The following TRPC4AP variants were observed in gnomAD, a reference collection of about 807,000 sequenced individuals.
The protein encoded by TRPC4AP is transient receptor potential cation channel subfamily C member 4 associated protein.
A neutral mutation model predicts 99.0 loss-of-function variants in TRPC4AP; 45 were observed. The observed-to-expected ratio is 0.45, with a 90% CI of 0.36 to 0.58. TRPC4AP has a LOEUF of 0.58. Ranked by LOEUF, TRPC4AP falls within the 20% of genes least tolerant of loss-of-function variation. The probability of loss-of-function intolerance (pLI) is 0.00; values close to 1 mark genes in which losing one functional copy is unlikely to be tolerated. For synonymous variants in TRPC4AP, 408 were observed against 385.8 expected (o/e 1.06, Z -0.67); for missense variants, 879 against 985.3 (o/e 0.89, Z 1.44).
At chr20:35,088,182 G>A (rs1907847425) in intron 1 of TRPC4AP, among the ~76,000 whole-genome samples, 1 of 152,200 alleles carries the variant, frequency 6.6e-6, no homozygotes, top group Non-Finnish European at 1.5e-5. Context: ...ACTATTTTAA[G>A]TGCTTTATAT....
chr20:35,022,616 G>A (rs2147300346), intron 8 of TRPC4AP, among the ~76,000 whole-genome samples: 1 of 152,174 alleles, frequency 6.6e-6, no homozygotes, highest in East Asian at 1.9e-4. Flanking sequence ...TTCCCTAGAG[G>A]CCTTTTGCAA....
In TRPC4AP at chr20:35,050,712, C is replaced by CAAA. The variant is rs77989763; in HGVS notation, c.529-721_529-719dup. Among the ~76,000 whole-genome samples, 295 of 139,466 alleles carry CAAA rather than the reference C, an allele frequency of 2.1e-3. 2 individuals carry two copies. Among genetic ancestry groups the CAAA allele is most frequent in the East Asian group, 8.2e-3 (40 of 4,892 alleles). The allele number at this position is 139,466 out of a possible 152,430, so 91.5% of individuals were successfully genotyped here. ...TTGGCAACAGAGGGAGACCCTAACT[C>CAAA]AAAAAAAAAAACAAAACAAAAAAAC... On this transcript the variant is annotated intron_variant, in intron 5 of 18. Transcript: ENST00000252015.
rs867906798 is a variant in TRPC4AP at position 35,021,309 on chromosome 20, G to A, written c.1099C>T (p.Pro367Ser). 2 of 1,614,020 alleles carry A rather than the reference G, an allele frequency of 1.2e-6. No homozygotes were observed. The highest frequency in any genetic ancestry group is 1.3e-5 in the African/African-American group (1 of 74,912). ...AGCTGGGTTCTGGCTGACGTGTGAG[G>A]CAGGCCATTCTCCTCAGAAGCCCCT... ...PPGASEENGLPHTSARTQLPQ... is the reference protein window; with the variant it reads ...PPGASEENGLSHTSARTQLPQ... Residue 367 changes from proline (P) to serine (S), a missense_variant, in exon 9 of 19, where the codon CCT (proline) becomes TCT (serine). Transcript: ENST00000252015.
intron 5 of TRPC4AP, among the ~76,000 whole-genome samples, chr20:35,053,684 T>C (rs767009757): frequency 2.6e-5 from 4 of 152,146 alleles, no homozygotes; most frequent in Non-Finnish European, 4.4e-5. Flanking sequence ...CACACACACA[T>C]TGGATTTTGA....
rs924703070 is a variant in TRPC4AP, at chr20:35,003,409, C to T, written c.2256+1G>A. 2.5e-6 allele frequency: 4 copies of T among 1,614,012 alleles called. No homozygotes were observed. Among genetic ancestry groups the T allele is most frequent in the Non-Finnish European group, 3.4e-6 (4 of 1,180,004 alleles). ...CACCCCCTTGAGGGTGGGGCACTCACGTTCTCTAGGCAGGTGCTGTCCTTG... is the reference window on the plus strand; with the variant it reads ...CACCCCCTTGAGGGTGGGGCACTCATGTTCTCTAGGCAGGTGCTGTCCTTG... On this transcript the variant is annotated splice_donor_variant, in intron 18 of 18. Coordinates refer to ENST00000252015, the MANE Select transcript of TRPC4AP (RefSeq NM_015638.3). LOFTEE classifies it high-confidence loss of function.
intron 3 of TRPC4AP, among the ~76,000 whole-genome samples, chr20:35,068,978 C>CACACACAAAA (rs748790693): frequency 2.1e-5 from 2 of 95,192 alleles, no homozygotes; most frequent in South Asian, 2.8e-4. Context: ...CACACACACA[C>CACACACAAAA]AAAAAAAACA....
rs35372826 is a variant in TRPC4AP, at chr20:35,029,628, CTTTTTTTTT to C, written c.1051+5486_1051+5494del. On this transcript the variant is annotated intron_variant, in intron 8 of 18. Coordinates refer to ENST00000252015, the MANE Select transcript of TRPC4AP (RefSeq NM_015638.3). ...TTTACTATATTTCCCAAGTTACTTTCTTTTTTTTTTTTTTTTTTTTTTTTTGAGACAGAG... is the reference window on the plus strand; with the variant it reads ...TTTACTATATTTCCCAAGTTACTTTCTTTTTTTTTTTTTTTTGAGACAGAG... Among the ~76,000 whole-genome samples the C allele has an allele frequency of 1.8e-4, 7 of 39,390 alleles. No individual in the cohort carries two copies. The East Asian group carries it at 2.5e-3, about 14-fold the overall frequency. The allele number at this position is 39,390 out of a possible 152,430, so 25.8% of individuals were successfully genotyped here. A position where few individuals can be genotyped will look rare whatever the true frequency, so the allele number is the denominator to read the frequency against.
At chr20:35,092,379 C>T (rs2085097284) in intron 1 of TRPC4AP, among the ~76,000 whole-genome samples, 1 of 152,198 alleles carries the variant, frequency 6.6e-6, no homozygotes, top group African/African-American at 2.4e-5. Flanking sequence ...TCGTACACGC[C>T]ATCAGTGTCC....
intron 2 of TRPC4AP, among the ~76,000 whole-genome samples, chr20:35,072,932 ATTTG>A (rs2084359985): frequency 6.6e-6 from 1 of 152,144 alleles, no homozygotes; most frequent in Non-Finnish European, 1.5e-5. Flanking sequence ...ATGTTCTTCC[ATTTG>A]TTTGTGTCCT....
intron 3 of TRPC4AP, among the ~76,000 whole-genome samples, chr20:35,068,963 AC>A (rs796079689): frequency 1.9e-4 from 9 of 47,110 alleles, no homozygotes; most frequent in East Asian, 1.5e-3. Flanking sequence ...ACACACACAC[AC>A]ACACACACAC....
At chr20:35,044,414 A>G in intron 7 of TRPC4AP, 91 bp downstream of exon 7, 2 of 1,241,810 alleles carry the variant, frequency 1.6e-6, no homozygotes, top group Non-Finnish European at 2.2e-6. Flanking sequence ...AAAAAAAAAA[A>G]AGAAAAGAAA....
intron 3 of TRPC4AP, among the ~76,000 whole-genome samples, chr20:35,060,584 CCAAAAAA>C (rs1259869959): frequency 2.2e-5 from 1 of 45,866 alleles, no homozygotes; most frequent in Non-Finnish European, 4.3e-5. Context: ...GACCTTGTCT[CCAAAAAA>C]AAAAAAAAAA....
At chr20:35,028,833 A>AT (rs1163834225) in intron 8 of TRPC4AP, among the ~76,000 whole-genome samples, 1 of 152,030 alleles carries the variant, frequency 6.6e-6, no homozygotes, top group Non-Finnish European at 1.5e-5. Context: ...TGCTTCATGT[A>AT]TTTTTTGGGG....
intron 1 of TRPC4AP, 94 bp downstream of exon 1, chr20:35,092,520 C>G (rs2085102992): frequency 1.5e-6 from 2 of 1,354,538 alleles, no homozygotes; most frequent in Admixed American, 7.1e-5. Flanking sequence ...GGCTTTGGCC[C>G]GTCCAGCGGC....
At position 35,008,756 on chromosome 20, in the gene TRPC4AP, G is replaced by A; in HGVS notation, c.1512-9C>T. The A allele has an allele frequency of 6.2e-7, 1 of 1,612,936 alleles. No homozygotes were observed. On this transcript the variant is annotated splice_polypyrimidine_tract_variant and intron_variant, in intron 12 of 18. Transcript: ENST00000252015. ...CATCACACACCAAACTCCTGAAATA[G>A]AAGAGAGATATTGGTGACAGATCTG...
At chr20:35,071,106 CA>C (rs1011615861) in intron 2 of TRPC4AP, among the ~76,000 whole-genome samples, 2 of 152,068 alleles carry the variant, frequency 1.3e-5, no homozygotes, top group African/African-American at 4.8e-5. Context: ...CTGTGAGATT[CA>C]AAATATGAAA....
chr20:35,016,134 G>A lies in TRPC4AP; in HGVS notation c.1224C>T (p.His408=). The A allele has an allele frequency of 6.2e-7, 1 of 1,614,198 alleles. No homozygotes were observed. The highest frequency in any genetic ancestry group is 1.3e-5 in the African/African-American group (1 of 75,052). ...LLMGRQRNQV[H]RMIAEFKLIP... ...TCAGCTTGAACTCTGCAATCATTCT[G>A]TGAACCTGAATGGGATAGGAAGGAA... The change falls in exon 10 of 19, where the codon CAC becomes CAT. Residue 408 remains histidine (H), a synonymous_variant. Coordinates refer to ENST00000252015, the MANE Select transcript of TRPC4AP (RefSeq NM_015638.3).
chr20:35,087,146 G>A (rs1189676457), intron 1 of TRPC4AP, among the ~76,000 whole-genome samples: 5 of 150,034 alleles, frequency 3.3e-5, no homozygotes, highest in Non-Finnish European at 7.4e-5. Flanking sequence ...TGGCTAACAC[G>A]GTGAAACCCC....
intron 7 of TRPC4AP, among the ~76,000 whole-genome samples, chr20:35,042,075 A>G (rs2083456940): frequency 6.6e-6 from 1 of 152,238 alleles, no homozygotes; most frequent in African/African-American, 2.4e-5. Flanking sequence ...GGTTTGTTAC[A>G]TATGTATATA....
Sources: allele counts gnomAD v4.1 joint callset (sites outside exome capture counted in the v4.1 genomes callset), GRCh38; gene constraint gnomAD v4.1.1; transcripts MANE v1.5; gene names NCBI Gene and HGNC (gene_info 2026-07-23, HGNC 2026-07-21).